Variants in AKNA observed in about 807,000 individuals in gnomAD.
AKNA encodes AT-hook transcription factor.
In AKNA, 67 loss-of-function variants were observed where a neutral mutation model predicts 138.8. That is an observed-to-expected ratio of 0.48 (90% CI 0.40 to 0.59). The LOEUF (loss-of-function observed/expected upper bound fraction) is 0.59. Among genes scored for constraint, AKNA ranks in the 20% least tolerant of loss-of-function variants. The pLI is 0.00. For synonymous variants in AKNA, 737 were observed against 754.4 expected, an observed-to-expected ratio of 0.98 and a Z score of 0.38; for missense variants, 1,813 against 1,880.4, an observed-to-expected ratio of 0.96 and a Z score of 0.66.
chr9:114,360,218 G>A, intron 9 of AKNA, 156 bp from the exon 10 acceptor site: 1 of 866,216 alleles, frequency 1.2e-6, no homozygotes, highest in Non-Finnish European at 1.8e-6. Context: ...GTAAACTATG[G>A]AGACTGGGCT....
At chr9:114,347,666 C>T (rs1381002877) in intron 16 of AKNA, 58 bp downstream of exon 16, 3 of 1,453,894 alleles carry the variant, frequency 2.1e-6, no homozygotes, top group Non-Finnish European at 2.7e-6. Context: ...AGAGGCCAGC[C>T]AAGACTATCT....
intron 3 of AKNA, 139 bp downstream of exon 3, chr9:114,376,327 C>T: frequency 1.8e-6 from 1 of 546,068 alleles, no homozygotes; most frequent in Non-Finnish European, 3.2e-6. Context: ...CGTCCTAGGG[C>T]TTCCCACCCC....
intron 8 of AKNA, 38 bp from the exon 9 acceptor site, chr9:114,361,949 G>T: frequency 6.3e-7 from 1 of 1,592,952 alleles, no homozygotes; most frequent in South Asian, 1.1e-5. Context: ...AGCCCAAGAT[G>T]GCAGCTACAT....
intron 18 of AKNA, chr9:114,344,221 G>C: frequency 5.2e-6 from 1 of 193,400 alleles, no homozygotes; most frequent in South Asian, 7.5e-5. Flanking sequence ...TTGCTGGTTT[G>C]GTTCTGAATG....
At chr9:114,370,534 G>A (rs1307371984) in intron 4 of AKNA, among the ~76,000 whole-genome samples, 1 of 152,178 alleles carries the variant, frequency 6.6e-6, no homozygotes, top group African/African-American at 2.4e-5. Flanking sequence ...GGGGAGTGGC[G>A]GTGGGGGTGG....
At chr9:114,393,703 A>G (rs1834436987) in intron 1 of AKNA, among the ~76,000 whole-genome samples, 1 of 152,074 alleles carries the variant, frequency 6.6e-6, no homozygotes, top group African/African-American at 2.4e-5. Flanking sequence ...AATAATGTAA[A>G]AATTTTGTTA....
intron 12 of AKNA, 136 bp downstream of exon 12, chr9:114,357,785 G>A (rs546805534): frequency 6.6e-5 from 91 of 1,384,418 alleles, no homozygotes; most frequent in Admixed American, 5.4e-4. Flanking sequence ...TGTCAGGTGG[G>A]ATTGTGGCTG....
At chr9:114,349,103 G>A (rs951741814) in intron 15 of AKNA, 7 of 382,634 alleles carry the variant, frequency 1.8e-5, no homozygotes, top group Non-Finnish European at 3.2e-5. Context: ...TGTGGGCGGT[G>A]GCTACTGGAG....
chr9:114,353,498 A>G (rs1438332676), intron 14 of AKNA, among the ~76,000 whole-genome samples: 1 of 152,194 alleles, frequency 6.6e-6, no homozygotes, highest in Non-Finnish European at 1.5e-5. Flanking sequence ...TTCTGACCTC[A>G]GGTGATCCAC....
chr9:114,389,774 G>GTGAATGAA (rs373047347), upstream of AKNA, among the ~76,000 whole-genome samples: 5 of 152,180 alleles, frequency 3.3e-5, no homozygotes, highest in East Asian at 1.9e-4. Context: ...AATGTGTTCT[G>GTGAATGAA]TGAATGAATG....
At chr9:114,360,145 G>A (rs1489119597) in intron 9 of AKNA, 83 bp from the exon 10 acceptor site, 1 of 1,567,722 alleles carries the variant, frequency 6.4e-7, no homozygotes, top group African/African-American at 1.3e-5. Context: ...CCAGGCTCGA[G>A]CTGTGGGCTG....
chr9:114,380,880 C>T (rs779439410), intron 2 of AKNA, among the ~76,000 whole-genome samples, 180 bp downstream of exon 2: 54 of 150,262 alleles, frequency 3.6e-4, no homozygotes, highest in Non-Finnish European at 5.9e-4. Flanking sequence ...CTACTCGGGA[C>T]GCTGAGGCAA....
At chr9:114,361,095 A>C (rs927339056) in intron 9 of AKNA, among the ~76,000 whole-genome samples, 1 of 152,096 alleles carries the variant, frequency 6.6e-6, no homozygotes, top group African/African-American at 2.4e-5. Context: ...AAGTCATCTT[A>C]TGTCATCCCC....
chr9:114,346,670 C>T lies in AKNA; in HGVS notation c.3513G>A (p.Leu1171=). ...CAGCCTTTGCAGGTGGTCACTTACT[C>T]AGGGACAGTCGGAGCACCTCCCGAG... ...SVPREVLRLS[L]SSESELPSLP... Residue 1171 remains leucine, a splice_region_variant and synonymous_variant, in exon 17 of 22, where the codon CTG becomes CTA. Coordinates refer to ENST00000374088, the MANE Select transcript of AKNA (RefSeq NM_001317950.2). The T allele has an allele frequency of 6.2e-7, 1 of 1,605,752 alleles. No individual in the cohort carries two copies. The highest frequency in any genetic ancestry group is 8.5e-7 in the Non-Finnish European group (1 of 1,175,854).
intron 7 of AKNA, among the ~76,000 whole-genome samples, chr9:114,363,953 C>T (rs191848293): frequency 1.3e-3 from 192 of 152,192 alleles, no homozygotes; most frequent in Middle Eastern, 3.4e-3. Context: ...TTATGACCAC[C>T]GTTATCTAAA....
At chr9:114,330,507 A>G, downstream of AKNA, 5 of 1,611,898 alleles carry the variant, frequency 3.1e-6, no homozygotes, top group Non-Finnish European at 4.2e-6. Flanking sequence ...CAGGAGATCC[A>G]AGCAACCTTC....
At chr9:114,367,897 C>T (rs955216333) in intron 5 of AKNA, among the ~76,000 whole-genome samples, 200 bp from the exon 6 acceptor site, 2 of 152,230 alleles carry the variant, frequency 1.3e-5, no homozygotes, top group Admixed American at 6.5e-5. Context: ...TCCAGATCTG[C>T]CCCAGGCCAC....
At chr9:114,345,060 C>CATATATATATAT (rs143632430) in intron 18 of AKNA, 68 of 143,560 alleles carry the variant, frequency 4.7e-4, no homozygotes, top group African/African-American at 1.7e-3. Flanking sequence ...GAACCATATC[C>CATATATATATAT]ATATATATAT....
intron 2 of AKNA, among the ~76,000 whole-genome samples, chr9:114,378,283 C>T (rs1178297197): frequency 3.9e-5 from 6 of 152,206 alleles, no homozygotes; most frequent in African/African-American, 1.2e-4. Context: ...TTCAGGCGTT[C>T]GCTCAACCTC....
Sources: gnomAD v4.1 joint callset for allele counts (sites outside exome capture counted in the v4.1 genomes callset) on GRCh38, gnomAD v4.1.1 for gene constraint, MANE v1.5 for transcripts, NCBI Gene and HGNC (gene_info 2026-07-23, HGNC 2026-07-21) for gene names.